WDR86: variants seen among roughly 807,000 people sequenced by gnomAD.
The protein encoded by WDR86 is WD repeat domain 86, also known as WD repeat-containing protein 86.
WDR86 carries 30 observed loss-of-function variants against 36.5 expected under a neutral mutation model. That is an observed-to-expected ratio of 0.82 (90% CI 0.61 to 1.11). The LOEUF (loss-of-function observed/expected upper bound fraction) is 1.11. Ranked by LOEUF, WDR86 falls within the 50% of genes most tolerant of loss-of-function variation. WDR86 has a pLI of 0.00. For missense variants in WDR86, 545 were observed against 561.2 expected (o/e 0.97, Z 0.29); for synonymous variants, 255 against 252.9 (o/e 1.01, Z -0.08).
In WDR86 at chr7:151,381,186, A is replaced by G; in HGVS notation, c.*396T>C. The G allele has an allele frequency of 8.0e-7, 1 of 1,251,668 alleles. No individual in the cohort carries two copies. The highest frequency in any genetic ancestry group is 1.0e-6 in the Non-Finnish European group (1 of 1,000,868). The allele number at this position is 1,251,668 out of a possible 1,614,324, so 77.5% of individuals were successfully genotyped here. A position where few individuals can be genotyped will look rare whatever the true frequency, so the allele number is the denominator to read the frequency against. On this transcript the variant is annotated 3_prime_UTR_variant, in exon 6 of 6. Coordinates refer to ENST00000334493, the MANE Select transcript of WDR86 (RefSeq NM_198285.3). This position sits in a 1 kb window ranked among gnomAD's most constrained non-coding sequence, Gnocchi z 4.8. ...GGCCCTCGAGACGGACGATTTGCCA[A>G]AATAACCAGGTTCAGTGGCTTCTGT...
upstream of WDR86, chr7:151,410,180 C>T: frequency 1.3e-6 from 1 of 756,338 alleles, no homozygotes; most frequent in Non-Finnish European, 1.6e-6. Context: ...ACGTGCGACC[C>T]TCCTAGCTGC....
chr7:151,383,631 T>C (rs1798768574), intron 4 of WDR86, among the ~76,000 whole-genome samples: 1 of 152,198 alleles, frequency 6.6e-6, no homozygotes, highest in Non-Finnish European at 1.5e-5. Context: ...CCAGCCTTTT[T>C]GTTAAAACTA....
intron 2 of WDR86, among the ~76,000 whole-genome samples, chr7:151,398,605 G>A (rs371516315): frequency 1.3e-5 from 2 of 151,504 alleles, no homozygotes; most frequent in Non-Finnish European, 3.0e-5. Context: ...GTATGTGTGC[G>A]CACGTGTGTA....
chr7:151,410,577 G>C (rs1801136218), upstream of WDR86: 1 of 152,238 alleles, frequency 6.6e-6, no homozygotes, highest in Non-Finnish European at 1.5e-5. Context: ...CGGTGGAGCC[G>C]GGATGTCAAG....
intron 1 of WDR86, among the ~76,000 whole-genome samples, chr7:151,400,530 T>G (rs1800209049): frequency 6.6e-6 from 1 of 152,260 alleles, no homozygotes; most frequent in South Asian, 2.1e-4. Context: ...TACAGGCGCA[T>G]ACCACTATAC....
At chr7:151,400,836 A>G (rs1463637983) in intron 1 of WDR86, among the ~76,000 whole-genome samples, 1 of 152,230 alleles carries the variant, frequency 6.6e-6, no homozygotes, top group Non-Finnish European at 1.5e-5. Context: ...AAGCCCCAGC[A>G]TTCGCACTGC....
chr7:151,376,221 C>G, downstream of WDR86: 1 of 478,590 alleles, frequency 2.1e-6, no homozygotes, highest in Non-Finnish European at 3.8e-6. Context: ...CCTCATTTCT[C>G]TGCCTGTGAC....
intron 3 of WDR86, among the ~76,000 whole-genome samples, chr7:151,391,109 G>A (rs1460224176): frequency 6.6e-6 from 1 of 152,256 alleles, no homozygotes; most frequent in Non-Finnish European, 1.5e-5. Context: ...AAGGCAGATC[G>A]TGAGCGGCAC....
Position 151,397,564 on chromosome 7 carries a change from C to G in WDR86, c.306-1368G>C, listed in dbSNP as rs535558744. On this transcript the variant is annotated intron_variant, in intron 2 of 5. Coordinates refer to ENST00000334493, the MANE Select transcript of WDR86 (RefSeq NM_198285.3). ...TCAGCCTCCCGAGTAGCTGGGATTA[C>G]GTGTATTTTTAAAGGAAATGATGCC... 1.6e-3 allele frequency among the ~76,000 whole-genome samples: 237 copies of G among 151,522 alleles called. 2 individuals carry two copies. The highest frequency in any genetic ancestry group is 5.5e-3 in the African/African-American group (225 of 41,160).
In WDR86 at chr7:151,406,382, G is replaced by A. The variant is rs1437962077; in HGVS notation, c.163+3045C>T. On this transcript the variant is annotated intron_variant, in intron 1 of 5. Coordinates refer to ENST00000334493, the MANE Select transcript of WDR86 (RefSeq NM_198285.3). The surrounding 1 kb of genome is among the most constrained non-coding windows in gnomAD (Gnocchi z 4.4). ...GCCCCTGCTGCCATGAACAGAGCCA[G>A]AGGTCTCTAGAGGAAAAGCGTACGT... 6.6e-6 allele frequency among the ~76,000 whole-genome samples: 1 copy of A among 152,204 alleles called. No homozygotes were observed. Among genetic ancestry groups the A allele is most frequent in the Non-Finnish European group, 1.5e-5 (1 of 68,046 alleles).
At position 151,409,648 on chromosome 7, in the gene WDR86, G is replaced by C; in HGVS notation, c.-59C>G. The C allele has an allele frequency of 8.3e-6, 11 of 1,318,804 alleles. No homozygotes were observed. Among genetic ancestry groups the C allele is most frequent in the Non-Finnish European group, 1.1e-5 (11 of 1,038,198 alleles). The allele number at this position is 1,318,804 out of a possible 1,614,324, so 81.7% of individuals were successfully genotyped here. A position where few individuals can be genotyped will look rare whatever the true frequency, so the allele number is the denominator to read the frequency against. ...CGCCCCGCTAGGGAGGGGCGCCCCGGGGTCCGCGCGGCGGCTCCGTACGAC... is the reference window on the plus strand; with the variant it reads ...CGCCCCGCTAGGGAGGGGCGCCCCGCGGTCCGCGCGGCGGCTCCGTACGAC... On this transcript the variant is annotated 5_prime_UTR_variant, in exon 1 of 6. Transcript: ENST00000334493. The surrounding 1 kb of genome is among the most constrained non-coding windows in gnomAD (Gnocchi z 5.2).
In WDR86 at chr7:151,381,835, C is replaced by G; in HGVS notation, c.966+43G>C. On this transcript the variant is annotated intron_variant, in intron 5 of 5. Coordinates refer to ENST00000334493, the MANE Select transcript of WDR86 (RefSeq NM_198285.3). The surrounding 1 kb of genome is among the most constrained non-coding windows in gnomAD (Gnocchi z 4.8). ...TGGATGGATCGGGGCGGGGCACCTT[C>G]CCTCCCACGGGCGGCGGCCCCGAGA... 4 of 1,565,986 alleles carry G rather than the reference C, an allele frequency of 2.6e-6. No homozygotes were observed. Among genetic ancestry groups the G allele is most frequent in the Non-Finnish European group, 3.5e-6 (4 of 1,155,886 alleles).
chr7:151,381,923 C>G lies in WDR86; in HGVS notation c.921G>C (p.Leu307=), dbSNP rs1038122299. Residue 307 remains leucine (L), a synonymous_variant, in exon 5 of 6, where the codon CTG becomes CTC. Coordinates refer to ENST00000334493, the MANE Select transcript of WDR86 (RefSeq NM_198285.3). The surrounding 1 kb of genome is among the most constrained non-coding windows in gnomAD (Gnocchi z 4.8). ...ATGTGTGGCCCCGGAACACCCTCCG[C>G]AGCTCTCCAGACTGCGCGTCGAAGG... ...ARAFDAQSGE[L]RRVFRGHTFI... 1 of 1,610,514 alleles carries G rather than the reference C, an allele frequency of 6.2e-7. No individual in the cohort carries two copies. The highest frequency in any genetic ancestry group is 8.5e-7 in the Non-Finnish European group (1 of 1,178,924).
chr7:151,382,900 A>G (rs752756177), intron 4 of WDR86, among the ~76,000 whole-genome samples: 6 of 151,682 alleles, frequency 4.0e-5, no homozygotes, highest in Non-Finnish European at 7.4e-5. Flanking sequence ...CTTGGGGAAA[A>G]GGGGTAGGAC....
intron 3 of WDR86, among the ~76,000 whole-genome samples, chr7:151,386,152 G>A (rs144700239): frequency 3.8e-4 from 58 of 152,312 alleles, no homozygotes; most frequent in Middle Eastern, 3.4e-3. Context: ...GTGGTCGGCA[G>A]GCAGTGGGCC....
chr7:151,377,154 G>A, downstream of WDR86: 1 of 1,590,104 alleles, frequency 6.3e-7, no homozygotes, highest in Non-Finnish European at 8.6e-7. Context: ...AACTCTGGAA[G>A]ATGAAGAAAT....
At chr7:151,393,536 C>A (rs990024355) in intron 3 of WDR86, among the ~76,000 whole-genome samples, 1 of 152,174 alleles carries the variant, frequency 6.6e-6, no homozygotes, top group Non-Finnish European at 1.5e-5. Context: ...CTCCACCTGG[C>A]CAGTGGCCTT....
chr7:151,378,761 G>A (rs1294539830), downstream of WDR86, among the ~76,000 whole-genome samples: 1 of 152,182 alleles, frequency 6.6e-6, no homozygotes, highest in African/African-American at 2.4e-5. Context: ...TTGGATTTGG[G>A]GCCTGAATTT....
chr7:151,407,766 G>A (rs942704783), intron 1 of WDR86, among the ~76,000 whole-genome samples: 16 of 152,198 alleles, frequency 1.1e-4, no homozygotes, highest in Admixed American at 6.5e-4. Context: ...GCTTGAACCC[G>A]GGAGGCGGAG....
Sources: allele counts gnomAD v4.1 joint callset (sites outside exome capture counted in the v4.1 genomes callset), GRCh38; gene constraint gnomAD v4.1.1; non-coding constraint Gnocchi (gnomAD v3.1); transcripts MANE v1.5; gene names NCBI Gene and HGNC (gene_info 2026-07-23, HGNC 2026-07-21).